The following SCEL variants were observed in gnomAD, a reference collection of about 807,000 sequenced individuals.
SCEL encodes the protein sciellin.
A neutral mutation model predicts 117.6 loss-of-function variants in SCEL; 113 were observed. The ratio of observed to expected loss-of-function variants is 0.96; its 90% CI spans 0.83 to 1.12. SCEL has a LOEUF of 1.12. SCEL is among the 50% of genes most tolerant of loss of function. SCEL has a pLI of 0.00. For missense variants in SCEL, 785 were observed against 810.8 expected (o/e 0.97, Z 0.39); for synonymous variants, 270 against 256.2 (o/e 1.05, Z -0.51).
At chr13:77,608,143 T>G (rs1274485941) in intron 20 of SCEL, 28 bp downstream of exon 20, 1 of 1,529,412 alleles carries the variant, frequency 6.5e-7, no homozygotes, top group Non-Finnish European at 9.0e-7. Context: ...CCTCTCTTCC[T>G]TCCCCTTCCC....
chr13:77,587,444 A>G lies in SCEL; in HGVS notation c.546-1700A>G, dbSNP rs1461634805. ...TCCATCAGCCTCGAAGTAGCTACCCATTTCTGTCTTCCTACTTTACTGCCA... is the reference window on the plus strand; with the variant it reads ...TCCATCAGCCTCGAAGTAGCTACCCGTTTCTGTCTTCCTACTTTACTGCCA... On this transcript the variant is annotated intron_variant, in intron 9 of 32. Coordinates refer to ENST00000349847, the MANE Select transcript of SCEL (RefSeq NM_144777.3). 5.9e-5 allele frequency among the ~76,000 whole-genome samples: 9 copies of G among 151,896 alleles called. No individual in the cohort carries two copies. In the East Asian group the frequency reaches 1.7e-3, roughly 29 times the overall value.
intron 19 of SCEL, among the ~76,000 whole-genome samples, chr13:77,607,020 G>A (rs551008263): frequency 6.6e-6 from 1 of 152,144 alleles, no homozygotes; most frequent in East Asian, 1.9e-4. Context: ...AAATGTTTTC[G>A]ATGACTGTGT....
chr13:77,542,334 G>A lies in SCEL; in HGVS notation c.-20+6510G>A, dbSNP rs148159907. Among the ~76,000 whole-genome samples the A allele has an allele frequency of 8.6e-3, 1,314 of 152,316 alleles. 16 individuals carry two copies. The highest frequency in any genetic ancestry group is 0.029 in the African/African-American group (1,224 of 41,568). Reference sequence around the variant, plus strand: ...GAGAATAGCTTGAACCCGGGAGGTGGAGGTTGCAGTGGCCGAGATCACGCC... The same window carrying A: ...GAGAATAGCTTGAACCCGGGAGGTGAAGGTTGCAGTGGCCGAGATCACGCC... On this transcript the variant is annotated intron_variant, in intron 1 of 32. Coordinates refer to ENST00000349847, the MANE Select transcript of SCEL (RefSeq NM_144777.3).
chr13:77,551,014 C>T (rs374377552), intron 1 of SCEL, among the ~76,000 whole-genome samples: 10 of 152,330 alleles, frequency 6.6e-5, no homozygotes, highest in East Asian at 1.9e-4. Flanking sequence ...CCTGCATCCA[C>T]GTTCCCACTC....
At chr13:77,604,504 G>A in intron 19 of SCEL, 89 bp downstream of exon 19, 1 of 1,066,012 alleles carries the variant, frequency 9.4e-7, no homozygotes, top group African/African-American at 1.7e-5. Flanking sequence ...ACAGTAAATT[G>A]GAATTCAGGC....
intron 29 of SCEL, among the ~76,000 whole-genome samples, chr13:77,635,060 A>G (rs970407812): frequency 1.3e-5 from 2 of 152,202 alleles, no homozygotes; most frequent in Non-Finnish European, 2.9e-5. Context: ...TACATGACCC[A>G]TATGTTAAGC....
intron 12 of SCEL, among the ~76,000 whole-genome samples, chr13:77,595,849 G>A (rs2087195182): frequency 6.6e-6 from 1 of 152,136 alleles, no homozygotes; most frequent in African/African-American, 2.4e-5. Context: ...AAAACTACTT[G>A]ACAGGATTCA....
intron 8 of SCEL, 58 bp downstream of exon 8, chr13:77,569,509 A>G: frequency 1.5e-6 from 2 of 1,333,414 alleles, no homozygotes; most frequent in Non-Finnish European, 2.1e-6. Context: ...ACTGCATTAG[A>G]AAGCTTCCTC....
chr13:77,640,349 C>T (rs562024115), intron 30 of SCEL, among the ~76,000 whole-genome samples: 1 of 152,256 alleles, frequency 6.6e-6, no homozygotes, highest in African/African-American at 2.4e-5. Context: ...TAAAAGCCCT[C>T]TAGTACTTCT....
intron 21 of SCEL, among the ~76,000 whole-genome samples, chr13:77,609,718 C>T (rs1337782842): frequency 6.6e-6 from 1 of 152,178 alleles, no homozygotes; most frequent in African/African-American, 2.4e-5. Context: ...CAGTTATTCC[C>T]TCTATGAAAC....
rs768309181 is a variant in SCEL at position 77,569,380 on chromosome 13, C to T, written c.408C>T (p.Gly136=). The part of the protein sequence containing the change: ...RSLEVTKLQP[G]GSLNANTSNT... ...TCTTGTCATTAAACAGGCAACCTGG[C>T]GGTTCATTGAATGCCAACACCTCCA... The change falls in exon 8 of 33, where the codon GGC becomes GGT. Residue 136 remains glycine, a synonymous_variant. Coordinates refer to ENST00000349847, the MANE Select transcript of SCEL (RefSeq NM_144777.3). 119 of 1,612,920 alleles carry T rather than the reference C, an allele frequency of 7.4e-5. 2 individuals carry two copies. Among genetic ancestry groups the T allele is most frequent in the South Asian group, 4.0e-4 (36 of 91,044 alleles).
At chr13:77,588,395 G>A (rs935523785) in intron 9 of SCEL, among the ~76,000 whole-genome samples, 5 of 152,138 alleles carry the variant, frequency 3.3e-5, no homozygotes, top group African/African-American at 1.2e-4. Flanking sequence ...CAGGATCAGA[G>A]GGTTCTTTTA....
intron 12 of SCEL, among the ~76,000 whole-genome samples, chr13:77,595,982 C>G (rs1594063504): frequency 6.6e-6 from 1 of 150,796 alleles, no homozygotes; most frequent in East Asian, 1.9e-4. Context: ...GCATCTCTCT[C>G]TAAAGGCTAA....
chr13:77,630,437 T>C (rs2089971842), intron 28 of SCEL, among the ~76,000 whole-genome samples: 1 of 152,158 alleles, frequency 6.6e-6, no homozygotes, highest in African/African-American at 2.4e-5. Context: ...CCTGATGACA[T>C]TTGGATTGTT....
At chr13:77,603,618 T>A (rs1827851444) in intron 18 of SCEL, among the ~76,000 whole-genome samples, 1 of 152,174 alleles carries the variant, frequency 6.6e-6, no homozygotes, top group Admixed American at 6.5e-5. Flanking sequence ...GACATGGCAG[T>A]GGCACCCAAT....
At chr13:77,597,910 TTTTAG>T (rs1212284642) in intron 13 of SCEL, among the ~76,000 whole-genome samples, 2 of 152,016 alleles carry the variant, frequency 1.3e-5, no homozygotes, top group Non-Finnish European at 2.9e-5. Context: ...CATGGAATAA[TTTTAG>T]TTTAACCATT....
chr13:77,609,999 A>G (rs770986772), intron 21 of SCEL, 48 bp from the exon 22 acceptor site: 16 of 1,233,622 alleles, frequency 1.3e-5, no homozygotes, highest in Non-Finnish European at 1.9e-5. Flanking sequence ...AACACTTGAA[A>G]CCATTCGATT....
intron 22 of SCEL, 56 bp from the exon 23 acceptor site, chr13:77,612,835 T>C (rs987949047): frequency 9.6e-7 from 1 of 1,040,510 alleles, no homozygotes; most frequent in South Asian, 1.5e-5. Context: ...GTTGAAAAAA[T>C]ATACAAATTA....
At chr13:77,626,915 C>G (rs1594165952) in intron 27 of SCEL, among the ~76,000 whole-genome samples, 1 of 151,810 alleles carries the variant, frequency 6.6e-6, no homozygotes, top group East Asian at 1.9e-4. Context: ...AGTGCTCCTA[C>G]CCTATTAACA....
Sources: gnomAD v4.1 joint callset for allele counts (sites outside exome capture counted in the v4.1 genomes callset) on GRCh38, gnomAD v4.1.1 for gene constraint, MANE v1.5 for transcripts, NCBI Gene and HGNC (gene_info 2026-07-23, HGNC 2026-07-21) for gene names.